The following ANGPTL4 variants were observed in gnomAD, a reference collection of about 807,000 sequenced individuals.
The protein encoded by ANGPTL4 is angiopoietin-related protein 4.
Under a neutral mutation model 39.2 loss-of-function variants are expected in ANGPTL4, and 39 were observed. The observed-to-expected ratio is 1.00, with a 90% confidence interval of 0.77 to 1.30. The LOEUF (loss-of-function observed/expected upper bound fraction) is 1.30, where lower values mean the gene tolerates loss of function less well. Among genes scored for constraint, ANGPTL4 ranks in the 50% most tolerant of loss-of-function variants. ANGPTL4 has a pLI of 0.00. For synonymous variants in ANGPTL4, 233 were observed against 229.5 expected, an observed-to-expected ratio of 1.02 and a Z score of -0.14; for missense variants, 545 against 549.8, an observed-to-expected ratio of 0.99 and a Z score of 0.09.
rs11672433 is a variant in ANGPTL4, at chr19:8,373,832, G to C, written c.1167G>C (p.Pro389=). ...AGACCTGGCGGGGCCGCTACTACCC[G>C]CTGCAGGCCACCACCATGTTGATCC... ...FWKTWRGRYY[P]LQATTMLIQP... Residue 389 remains proline, a synonymous_variant, in exon 7 of 7, where the codon CCG becomes CCC. Transcript: ENST00000301455. The C allele has an allele frequency of 6.2e-7, 1 of 1,613,806 alleles. No homozygotes were observed. The highest frequency in any genetic ancestry group is 1.7e-5 in the Admixed American group (1 of 60,028).
Position 8,371,019 on chromosome 19 carries a change from G to C in ANGPTL4, c.662-37G>C. On this transcript the variant is annotated intron_variant, in intron 4 of 6. Coordinates refer to ENST00000301455, the MANE Select transcript of ANGPTL4 (RefSeq NM_139314.3). The surrounding 1 kb of genome is among the most constrained non-coding windows in gnomAD (Gnocchi z 5.1). ...ATGAGGGAGTGGGGTCGTCTGTGAA[G>C]AGGGACTTCCTGGTGACCTTGTACC... 1 of 1,558,072 alleles carries C rather than the reference G, an allele frequency of 6.4e-7. No homozygotes were observed. Among genetic ancestry groups the C allele is most frequent in the East Asian group, 2.4e-5 (1 of 41,628 alleles).
Position 8,371,824 on chromosome 19 carries a change from C to T in ANGPTL4, c.1039+302C>T, listed in dbSNP as rs1971127278. 6.6e-6 allele frequency among the ~76,000 whole-genome samples: 1 copy of T among 151,794 alleles called. No homozygotes were observed. The highest frequency in any genetic ancestry group is 2.4e-5 in the African/African-American group (1 of 41,252). The stretch of plus-strand genomic sequence containing the variant: ...AGGCTGGAGTGCTTTGTGGCACGAT[C>T]TTGGCTCACTGCAAGCTCCACCTCC... On this transcript the variant is annotated intron_variant, in intron 6 of 6. Coordinates refer to ENST00000301455, the MANE Select transcript of ANGPTL4 (RefSeq NM_139314.3). This position sits in a 1 kb window ranked among gnomAD's most constrained non-coding sequence, Gnocchi z 5.1.
intron 4 of ANGPTL4, among the ~76,000 whole-genome samples, chr19:8,370,418 A>T (rs1036441860): frequency 7.0e-6 from 1 of 143,112 alleles, no homozygotes; most frequent in Non-Finnish European, 1.5e-5. Flanking sequence ...CCTCGTTTCT[A>T]AAAAAAAACA....
At chr19:8,367,714 T>G (rs921104067) in intron 3 of ANGPTL4, among the ~76,000 whole-genome samples, 7 of 152,150 alleles carry the variant, frequency 4.6e-5, no homozygotes, top group African/African-American at 1.7e-4. Flanking sequence ...CCCTGCCTCC[T>G]CTCCCTCTAG....
At position 8,364,436 on chromosome 19, in the gene ANGPTL4, G is replaced by A; in HGVS notation, c.115G>A (p.Asp39Asn). ...QSKSPRFASW[D>N]EMNVLAHGLL... ...CAAGTCGCCGCGCTTTGCGTCCTGG[G>A]ACGAGATGAATGTCCTGGCGCACGG... Residue 39 changes from aspartate (D) to asparagine (N), a missense_variant, in exon 1 of 7, where the codon GAC becomes AAC. By Grantham distance (23) the Asp-to-Asn change is conservative (BLOSUM62 1). Transcript: ENST00000301455. The A allele has an allele frequency of 6.4e-7, 1 of 1,554,316 alleles. No homozygotes were observed. The highest frequency in any genetic ancestry group is 8.7e-7 in the Non-Finnish European group (1 of 1,151,800).
intron 1 of ANGPTL4, among the ~76,000 whole-genome samples, chr19:8,365,297 G>A (rs905254628): frequency 2.6e-5 from 4 of 151,774 alleles, no homozygotes; most frequent in African/African-American, 9.7e-5. Flanking sequence ...GACCAACACA[G>A]TGAAACCCCG....
At chr19:8,366,486 C>T (rs1278296427) in intron 3 of ANGPTL4, among the ~76,000 whole-genome samples, 167 bp downstream of exon 3, 2 of 152,134 alleles carry the variant, frequency 1.3e-5, no homozygotes, top group African/African-American at 4.8e-5. Flanking sequence ...CCTCCTTCCT[C>T]AGCCCTGACC....
At position 8,364,492 on chromosome 19, in the gene ANGPTL4, A is replaced by C; in HGVS notation, c.171A>C (p.Glu57Asp). 1 of 1,564,904 alleles carries C rather than the reference A, an allele frequency of 6.4e-7. No individual in the cohort carries two copies. The highest frequency in any genetic ancestry group is 1.2e-5 in the South Asian group (1 of 85,238). The change falls in exon 1 of 7, where the codon GAA becomes GAC. Residue 57 changes from glutamate to aspartate, a missense_variant. By Grantham distance (45) the Glu-to-Asp change is conservative. Coordinates refer to ENST00000301455, the MANE Select transcript of ANGPTL4 (RefSeq NM_139314.3). ...GLLQLGQGLR[E>D]HAERTRSQLS... ...TGCAGCTCGGCCAGGGGCTGCGCGA[A>C]CACGCGGAGCGCACCCGCAGTCAGC...
intron 3 of ANGPTL4, among the ~76,000 whole-genome samples, chr19:8,368,019 CAA>C (rs1300430412): frequency 1.1e-5 from 1 of 88,468 alleles, no homozygotes; most frequent in African/African-American, 5.0e-5. Flanking sequence ...ATTCATTTAT[CAA>C]GTCTTTTTTT....
chr19:8,369,411 C>T, intron 4 of ANGPTL4, 79 bp downstream of exon 4: 3 of 1,061,450 alleles, frequency 2.8e-6, no homozygotes, highest in Non-Finnish European at 4.2e-6. Context: ...CAAAACAAAA[C>T]AAAAAAATTA....
chr19:8,372,817 C>T (rs1472292914), intron 6 of ANGPTL4, among the ~76,000 whole-genome samples: 10 of 151,860 alleles, frequency 6.6e-5, no homozygotes, highest in Non-Finnish European at 1.5e-5. Flanking sequence ...AAAATGCAGG[C>T]ATGGTGGCTC....
intron 1 of ANGPTL4, 81 bp downstream of exon 1, chr19:8,364,720 G>A (rs954576635): frequency 3.5e-5 from 53 of 1,511,986 alleles, no homozygotes; most frequent in Non-Finnish European, 4.0e-5. Flanking sequence ...TGGGGCGTGG[G>A]GGCGGGGTGC....
rs1971171900 is a variant in ANGPTL4 at position 8,373,709 on chromosome 19, C to A, written c.1044C>A (p.Gly348=). 3 of 1,613,772 alleles carry A rather than the reference C, an allele frequency of 1.9e-6. No homozygotes were observed. The highest frequency in any genetic ancestry group is 2.5e-6 in the Non-Finnish European group (3 of 1,180,036). Residue 348 remains glycine (G), a synonymous_variant, in exon 7 of 7, where the codon GGC becomes GGA. Coordinates refer to ENST00000301455, the MANE Select transcript of ANGPTL4 (RefSeq NM_139314.3). The part of the protein sequence containing the change: ...DKNCAKSLSG[G]WWFGTCSHSN... Reference sequence around the variant, plus strand: ...CCTCTCCCCTGACCCCGGCAGGAGGCTGGTGGTTTGGCACCTGCAGCCATT... The same window carrying A: ...CCTCTCCCCTGACCCCGGCAGGAGGATGGTGGTTTGGCACCTGCAGCCATT...
In ANGPTL4 at chr19:8,374,147, T is replaced by C. The variant is rs867136809; in HGVS notation, c.*261T>C. On this transcript the variant is annotated 3_prime_UTR_variant, in exon 7 of 7. Coordinates refer to ENST00000301455, the MANE Select transcript of ANGPTL4 (RefSeq NM_139314.3). ...AGGGGCATGGAGCTTCACTCCTTGC[T>C]GGCCAGGGAGTTGGGGACTCAGAGG... 1.9e-5 allele frequency: 9 copies of C among 480,442 alleles called. No homozygotes were observed. The highest frequency in any genetic ancestry group is 1.9e-5 in the Non-Finnish European group (5 of 262,002). 29.8% of individuals were successfully genotyped at this position (480,442 alleles called of 1,614,324 possible). A position where few individuals can be genotyped will look rare whatever the true frequency, so the allele number is the denominator to read the frequency against.
Position 8,371,338 on chromosome 19 carries a change from G to C in ANGPTL4, c.855G>C (p.Glu285Asp). The change falls in exon 6 of 7, where the codon GAG becomes GAC. Residue 285 changes from glutamate (E) to aspartate (D), a missense_variant. Transcript: ENST00000301455. The surrounding 1 kb of genome is among the most constrained non-coding windows in gnomAD (Gnocchi z 5.1). ...VQLRDWDGNA[E>D]LLQFSVHLGG... Reference sequence around the variant, plus strand: ...TGCGGGACTGGGATGGCAACGCCGAGTTGCTGCAGTTCTCCGTGCACCTGG... The same window carrying C: ...TGCGGGACTGGGATGGCAACGCCGACTTGCTGCAGTTCTCCGTGCACCTGG... 1.9e-6 allele frequency: 3 copies of C among 1,613,806 alleles called. No individual in the cohort carries two copies. The highest frequency in any genetic ancestry group is 2.5e-6 in the Non-Finnish European group (3 of 1,180,022).
Position 8,369,320 on chromosome 19 carries a change from A to C in ANGPTL4, c.649A>C (p.Lys217Gln), listed in dbSNP as rs587777517. Residue 217 changes from lysine to glutamine, a missense_variant, in exon 4 of 7, where the codon AAG (lysine) becomes CAG (glutamine). Transcript: ENST00000301455. ...GTCTCCGCCATTTTTGGTGAACTGC[A>C]AGATGACCTCAGGTAGGGTGTGTTA... ...QGSPPFLVNC[K>Q]MTSDGGWTVI... 6.2e-7 allele frequency: 1 copy of C among 1,611,714 alleles called. No homozygotes were observed. The highest frequency in any genetic ancestry group is 8.5e-7 in the Non-Finnish European group (1 of 1,179,500).
chr19:8,368,580 C>T (rs1223498951), intron 3 of ANGPTL4, among the ~76,000 whole-genome samples: 14 of 151,980 alleles, frequency 9.2e-5, no homozygotes, highest in Non-Finnish European at 2.9e-5. Context: ...AGAGTCCCGC[C>T]GGGCGCAGTG....
At chr19:8,368,845 C>T (rs1971057337) in intron 3 of ANGPTL4, among the ~76,000 whole-genome samples, 1 of 152,150 alleles carries the variant, frequency 6.6e-6, no homozygotes, top group African/African-American at 2.4e-5. Context: ...CAGAGCGAGA[C>T]TCCGTATCAA....
At chr19:8,367,205 G>A (rs534737418) in intron 3 of ANGPTL4, among the ~76,000 whole-genome samples, 9 of 152,140 alleles carry the variant, frequency 5.9e-5, no homozygotes, top group African/African-American at 1.4e-4. Context: ...CGTGCTGCCC[G>A]CCCCCAACCC....
Sources: allele counts gnomAD v4.1 joint callset (sites outside exome capture counted in the v4.1 genomes callset), GRCh38; gene constraint gnomAD v4.1.1; non-coding constraint Gnocchi (gnomAD v3.1); transcripts MANE v1.5; gene names NCBI Gene and HGNC (gene_info 2026-07-23, HGNC 2026-07-21).